The following TGFBI variants were observed in gnomAD, a reference collection of about 807,000 sequenced individuals.
The protein encoded by TGFBI is transforming growth factor beta induced.
In TGFBI, 50 loss-of-function variants were observed where a neutral mutation model predicts 73.7. The observed-to-expected ratio is 0.68, with a 90% CI of 0.54 to 0.86. The LOEUF is 0.86. TGFBI is among the 40% of genes least tolerant of loss of function. TGFBI has a pLI of 0.00. For missense variants in TGFBI, 839 were observed against 877.0 expected (o/e 0.96, Z 0.55); for synonymous variants, 362 against 360.5 (o/e 1.00, Z -0.05).
chr5:136,062,223 G>T (rs1455845503), intron 15 of TGFBI, among the ~76,000 whole-genome samples: 1 of 152,192 alleles, frequency 6.6e-6, no homozygotes, highest in East Asian at 1.9e-4. Flanking sequence ...CTTACAGAAA[G>T]ATTGCACTTC....
intron 2 of TGFBI, among the ~76,000 whole-genome samples, chr5:136,035,843 TA>T (rs1256909316): frequency 6.6e-6 from 1 of 152,116 alleles, no homozygotes; most frequent in African/African-American, 2.4e-5. Flanking sequence ...TCTTTTTTGT[TA>T]ATTCAAGTTT....
chr5:136,054,634 T>G (rs1751593470), intron 9 of TGFBI, 82 bp from the exon 10 acceptor site: 1 of 1,590,916 alleles, frequency 6.3e-7, no homozygotes, highest in Non-Finnish European at 8.6e-7. Context: ...AGGGATGGGC[T>G]TTTTCACTGT....
chr5:136,047,364 A>ATC lies in TGFBI; in HGVS notation c.716_717dup (p.Thr240SerfsTer55). Reference sequence around the variant, plus strand: ...CCTCATCGATAAGGTCATCTCCACCATCACCAACAACATCCAGCAGATCAT... The same window carrying ATC: ...CCTCATCGATAAGGTCATCTCCACCATCTCACCAACAACATCCAGCAGATCAT... On this transcript the variant is annotated frameshift_variant, in exon 6 of 17. Coordinates refer to ENST00000442011, the MANE Select transcript of TGFBI (RefSeq NM_000358.3). LOFTEE classifies it high-confidence loss of function. The ATC allele has an allele frequency of 6.2e-7, 1 of 1,613,884 alleles. No homozygotes were observed. Among genetic ancestry groups the ATC allele is most frequent in the Non-Finnish European group, 8.5e-7 (1 of 1,179,866 alleles).
intron 4 of TGFBI, 55 bp downstream of exon 4, chr5:136,046,550 C>T (rs1751431285): frequency 6.6e-7 from 1 of 1,524,166 alleles, no homozygotes; most frequent in South Asian, 1.2e-5. Flanking sequence ...CCTTACTTCC[C>T]CGAGGGGTGG....
chr5:136,029,247 G>A (rs952174333), intron 1 of TGFBI, 58 bp downstream of exon 1: 27 of 1,411,528 alleles, frequency 1.9e-5, no homozygotes, highest in Non-Finnish European at 2.5e-5. Context: ...GGCTCGGAGC[G>A]CAAGCCGCTG....
chr5:136,052,093 C>G (rs1465036155), intron 7 of TGFBI, among the ~76,000 whole-genome samples: 1 of 152,242 alleles, frequency 6.6e-6, no homozygotes, highest in Non-Finnish European at 1.5e-5. Context: ...TCCTCCTTGA[C>G]TGGTCCTTGC....
At position 136,056,647 on chromosome 5, in the gene TGFBI, CTG is replaced by C; in HGVS notation, c.1548-10_1548-9del. The stretch of plus-strand genomic sequence containing the variant: ...AATACCTGTTGACAGGTGACATTTT[CTG>C]TGTGTGTATCTACAGCATGCTGGTA... On this transcript the variant is annotated splice_polypyrimidine_tract_variant and intron_variant, in intron 11 of 16. Coordinates refer to ENST00000442011, the MANE Select transcript of TGFBI (RefSeq NM_000358.3). 6.2e-7 allele frequency: 1 copy of C among 1,613,666 alleles called. No individual in the cohort carries two copies. The highest frequency in any genetic ancestry group is 1.3e-5 in the African/African-American group (1 of 74,986).
intron 2 of TGFBI, among the ~76,000 whole-genome samples, chr5:136,035,282 G>A (rs1270298353): frequency 2.6e-5 from 4 of 152,142 alleles, no homozygotes; most frequent in Non-Finnish European, 5.9e-5. Flanking sequence ...AGGAGACTAT[G>A]CAAATTATAC....
chr5:136,049,247 G>C (rs1210270124), intron 6 of TGFBI, 192 bp from the exon 7 acceptor site: 1 of 611,036 alleles, frequency 1.6e-6, no homozygotes, highest in Admixed American at 3.1e-5. Flanking sequence ...GGCCAGGCTG[G>C]CTGGAGCTCA....
At position 136,047,371 on chromosome 5, in the gene TGFBI, A is replaced by G. The variant is rs751300973; in HGVS notation, c.722A>G (p.Asn241Ser). 4.3e-6 allele frequency: 7 copies of G among 1,613,864 alleles called. No homozygotes were observed. Among genetic ancestry groups the G allele is most frequent in the Middle Eastern group, 1.6e-4 (1 of 6,062 alleles). ...GATAAGGTCATCTCCACCATCACCA[A>G]CAACATCCAGCAGATCATTGAGATC... ...LIDKVISTIT[N>S]NIQQIIEIED... is the part of the protein sequence containing the mutation. Residue 241 changes from asparagine (N) to serine (S), a missense_variant, in exon 6 of 17, where the codon AAC becomes AGC. Transcript: ENST00000442011.
At chr5:136,061,261 G>A in intron 14 of TGFBI, 1 of 586,908 alleles carries the variant, frequency 1.7e-6, no homozygotes, top group Non-Finnish European at 3.0e-6. Flanking sequence ...CTCAGTGTAT[G>A]TTCCTTGCCT....
chr5:136,049,815 C>A, intron 7 of TGFBI: 1 of 485,634 alleles, frequency 2.1e-6, no homozygotes, highest in Non-Finnish European at 3.7e-6. Context: ...GAGAGCTGGA[C>A]TGAAGAGAGG....
At chr5:136,045,133 G>A (rs1246512918) in intron 3 of TGFBI, among the ~76,000 whole-genome samples, 6 of 152,274 alleles carry the variant, frequency 3.9e-5, no homozygotes, top group Admixed American at 1.3e-4. Context: ...GAGGCCAGGC[G>A]CAGTGGCTCA....
intron 2 of TGFBI, among the ~76,000 whole-genome samples, chr5:136,041,103 G>A (rs940462396): frequency 3.3e-5 from 5 of 152,250 alleles, no homozygotes; most frequent in African/African-American, 9.6e-5. Context: ...GTTGGAGGCA[G>A]GTGGACTGCC....
intron 10 of TGFBI, chr5:136,055,091 A>G (rs1357983492): frequency 1.8e-5 from 10 of 541,386 alleles, no homozygotes; most frequent in South Asian, 9.1e-5. Flanking sequence ...TCCAACCTGT[A>G]TTGTGAAGGA....
intron 11 of TGFBI, among the ~76,000 whole-genome samples, chr5:136,056,063 T>A (rs1012521551): frequency 6.6e-6 from 1 of 152,172 alleles, no homozygotes; most frequent in African/African-American, 2.4e-5. Flanking sequence ...GAGGGGGGAC[T>A]ACATTTTTAT....
Position 136,063,210 on chromosome 5 carries a change from A to G in TGFBI, c.2036A>G (p.Glu679Gly). The change falls in exon 17 of 17, where the codon GAG becomes GGG. Residue 679 changes from glutamate (E) to glycine (G), a missense_variant. Coordinates refer to ENST00000442011, the MANE Select transcript of TGFBI (RefSeq NM_000358.3). ...GCCCCTGTCTATCAAAAGTTATTAG[A>G]GAGGATGAAGCATTAGCTTGAAGCA... ...RLAPVYQKLL[E>G]RMKH 6.2e-7 allele frequency: 1 copy of G among 1,613,854 alleles called. No homozygotes were observed. The highest frequency in any genetic ancestry group is 8.5e-7 in the Non-Finnish European group (1 of 1,179,800).
chr5:136,056,746 A>C lies in TGFBI; in HGVS notation c.1629A>C (p.Thr543=). 3.1e-6 allele frequency: 5 copies of C among 1,613,934 alleles called. No individual in the cohort carries two copies. Among genetic ancestry groups the C allele is most frequent in the Non-Finnish European group, 4.2e-6 (5 of 1,179,880 alleles). The change falls in exon 12 of 17, where the codon ACA becomes ACC. Residue 543 remains threonine (T), a synonymous_variant. Transcript: ENST00000442011. The part of the protein sequence containing the change: ...REGVYTVFAP[T]NEAFRALPPR... Reference sequence around the variant, plus strand: ...GAGTCTACACAGTCTTTGCTCCCACAAATGAAGCCTTCCGAGCCCTGCCAC... The same window carrying C: ...GAGTCTACACAGTCTTTGCTCCCACCAATGAAGCCTTCCGAGCCCTGCCAC...
rs749554883 is a variant in TGFBI, at chr5:136,055,664, T to A, written c.1411-16T>A. 10 of 1,575,118 alleles carry A rather than the reference T, an allele frequency of 6.3e-6. No homozygotes were observed. The South Asian group carries it at 1.2e-4, about 18-fold the overall frequency. ...GTATAACCAGTCCTTTCTTTCTCTGTCCCTCTTCTGTGCAGAGCCTCTGCA... is the reference window on the plus strand; with the variant it reads ...GTATAACCAGTCCTTTCTTTCTCTGACCCTCTTCTGTGCAGAGCCTCTGCA... On this transcript the variant is annotated splice_polypyrimidine_tract_variant and intron_variant, in intron 10 of 16. Transcript: ENST00000442011.
Sources: gnomAD v4.1 joint callset for allele counts (sites outside exome capture counted in the v4.1 genomes callset) on GRCh38, gnomAD v4.1.1 for gene constraint, MANE v1.5 for transcripts, NCBI Gene and HGNC (gene_info 2026-07-23, HGNC 2026-07-21) for gene names.